The following RAB11FIP1 variants were observed in gnomAD, a reference collection of about 807,000 sequenced individuals.
RAB11FIP1 encodes the protein RAB11 family interacting protein 1.
Under a neutral mutation model 83.1 loss-of-function variants are expected in RAB11FIP1, and 49 were observed. The observed-to-expected ratio is 0.59, with a 90% CI of 0.47 to 0.75. The LOEUF (loss-of-function observed/expected upper bound fraction) is 0.75. RAB11FIP1 is among the 30% of genes least tolerant of loss of function. The pLI is 0.00. For synonymous variants in RAB11FIP1, 670 were observed against 656.0 expected (o/e 1.02, Z -0.33); for missense variants, 1,536 against 1,598.7 (o/e 0.96, Z 0.67).
At chr8:37,886,297 C>A (rs1806833464) in intron 1 of RAB11FIP1, among the ~76,000 whole-genome samples, 1 of 152,190 alleles carries the variant, frequency 6.6e-6, no homozygotes, top group African/African-American at 2.4e-5. Flanking sequence ...ACAGGTAAAA[C>A]TCTTGCTGAA....
Position 37,872,108 on chromosome 8 carries a change from G to T in RAB11FIP1, c.2694C>A (p.Pro898=). ...CTTTCGCTGAGCTTGCTTCACTCAT[G>T]GGGACTTCGGAGAAACTCTCCTCCT... ...PSQEESFSEV[P]MSEASSAKDT... is the part of the protein sequence containing the mutation. The change falls in exon 4 of 6, where the codon CCC becomes CCA. Residue 898 remains proline (P), a synonymous_variant. Coordinates refer to ENST00000330843, the MANE Select transcript of RAB11FIP1 (RefSeq NM_001002814.3). 1 of 1,614,016 alleles carries T rather than the reference G, an allele frequency of 6.2e-7. No homozygotes were observed. Among genetic ancestry groups the T allele is most frequent in the South Asian group, 1.1e-5 (1 of 91,078 alleles).
chr8:37,899,476 C>T lies in RAB11FIP1; in HGVS notation c.-35G>A. On this transcript the variant is annotated 5_prime_UTR_variant, in exon 1 of 6. Transcript: ENST00000330843. This position sits in a 1 kb window ranked among gnomAD's most constrained non-coding sequence, Gnocchi z 4.5. The stretch of plus-strand genomic sequence containing the variant: ...AACACTCCAGAAGCGAGGAGAAGAT[C>T]GCCGCGACTGGCGGCCTCCACGGCC... 2 of 1,485,654 alleles carry T rather than the reference C, an allele frequency of 1.3e-6. No homozygotes were observed. The highest frequency in any genetic ancestry group is 8.9e-7 in the Non-Finnish European group (1 of 1,121,438). The allele number at this position is 1,485,654 out of a possible 1,614,324, so 92.0% of individuals were successfully genotyped here.
intron 5 of RAB11FIP1, among the ~76,000 whole-genome samples, chr8:37,865,184 A>T (rs968146366): frequency 3.3e-5 from 5 of 152,180 alleles, no homozygotes; most frequent in African/African-American, 1.2e-4. Context: ...TTTATTTTTT[A>T]AAAGTCTCAA....
chr8:37,871,264 C>T lies in RAB11FIP1; in HGVS notation c.3524+14G>A, dbSNP rs1806450097. ...TTGCTCACATTTACATAGACAATCT[C>T]CCCCATCTCTCACCTGTGCTTGGCT... On this transcript the variant is annotated intron_variant, in intron 4 of 5. Coordinates refer to ENST00000330843, the MANE Select transcript of RAB11FIP1 (RefSeq NM_001002814.3). The T allele has an allele frequency of 1.3e-6, 2 of 1,588,146 alleles. No individual in the cohort carries two copies. Among genetic ancestry groups the T allele is most frequent in the Non-Finnish European group, 1.7e-6 (2 of 1,169,852 alleles).
At position 37,873,124 on chromosome 8, in the gene RAB11FIP1, A is replaced by G. The variant is rs1806518786; in HGVS notation, c.1678T>C (p.Ser560Pro). ...GGAAGAGGAGGAAGAGAGGAAGGGG[A>G]GTCAGTAGGGGAAGGAAGCCTGGCT... ...PTARLPSPTD[S>P]PSSLPPLPSS... The change falls in exon 4 of 6, where the codon TCC becomes CCC. Residue 560 changes from serine to proline, a missense_variant. Ser to Pro is a moderately conservative substitution (Grantham distance 74). Coordinates refer to ENST00000330843, the MANE Select transcript of RAB11FIP1 (RefSeq NM_001002814.3). 5.6e-6 allele frequency: 9 copies of G among 1,611,698 alleles called. No homozygotes were observed. Among genetic ancestry groups the G allele is most frequent in the Non-Finnish European group, 7.6e-6 (9 of 1,179,532 alleles).
At chr8:37,895,239 ATATATATATATATATATATATTTTTTTTT>A (rs1349731853) in intron 1 of RAB11FIP1, among the ~76,000 whole-genome samples, 1 of 7,352 alleles carries the variant, frequency 1.4e-4, no homozygotes, top group African/African-American at 4.7e-4. Context: ...ATATATATAT[ATATATATATATATATATATATTTTTTTTT>A]TTTTTTTTTT....
At chr8:37,886,728 GAC>G (rs1476043185) in intron 1 of RAB11FIP1, among the ~76,000 whole-genome samples, 1 of 152,172 alleles carries the variant, frequency 6.6e-6, no homozygotes, top group East Asian at 1.9e-4. Context: ...TGGGACAGAG[GAC>G]ACACTTAACC....
At chr8:37,869,247 T>G (rs1022167602) in intron 5 of RAB11FIP1, among the ~76,000 whole-genome samples, 1 of 146,914 alleles carries the variant, frequency 6.8e-6, no homozygotes, top group Non-Finnish European at 1.5e-5. Context: ...AAAAAAAAAA[T>G]TCCTGATTTT....
intron 4 of RAB11FIP1, chr8:37,870,770 G>A (rs921685636): frequency 9.1e-6 from 4 of 440,918 alleles, no homozygotes; most frequent in Non-Finnish European, 1.6e-5. Context: ...TATCTTCACG[G>A]GACCCTTGGT....
At chr8:37,863,292 C>G (rs1174185153) in intron 5 of RAB11FIP1, among the ~76,000 whole-genome samples, 179 bp from the exon 6 acceptor site, 1 of 151,712 alleles carries the variant, frequency 6.6e-6, no homozygotes, top group Non-Finnish European at 1.5e-5. Context: ...GTCACCCAGC[C>G]TGGAGTGCAG....
intron 1 of RAB11FIP1, among the ~76,000 whole-genome samples, chr8:37,882,280 A>C (rs1192306086): frequency 1.3e-5 from 2 of 152,198 alleles, no homozygotes; most frequent in Admixed American, 1.3e-4. Flanking sequence ...GCTGCGCTGC[A>C]TTCCCAGAAA....
intron 1 of RAB11FIP1, among the ~76,000 whole-genome samples, chr8:37,887,611 C>A (rs771173566): frequency 3.3e-5 from 5 of 151,496 alleles, no homozygotes; most frequent in Non-Finnish European, 7.4e-5. Flanking sequence ...TTCTTTAAGT[C>A]TTTTTCCCAT....
rs201814791 is a variant in RAB11FIP1, at chr8:37,862,870, G to A, written c.*25C>T. On this transcript the variant is annotated 3_prime_UTR_variant, in exon 6 of 6. Coordinates refer to ENST00000330843, the MANE Select transcript of RAB11FIP1 (RefSeq NM_001002814.3). Reference sequence around the variant, plus strand: ...CAGGTGAAAGTGAAGTCACAGAAACGTCTCGGTGTTTTTTTTCTGCTGATT... The same window carrying A: ...CAGGTGAAAGTGAAGTCACAGAAACATCTCGGTGTTTTTTTTCTGCTGATT... 126 of 1,583,688 alleles carry A rather than the reference G, an allele frequency of 8.0e-5. No homozygotes were observed. Among genetic ancestry groups the A allele is most frequent in the Middle Eastern group, 3.8e-4 (2 of 5,326 alleles).
At chr8:37,886,884 G>A (rs926917226) in intron 1 of RAB11FIP1, among the ~76,000 whole-genome samples, 25 of 152,172 alleles carry the variant, frequency 1.6e-4, no homozygotes, top group African/African-American at 6.0e-4. Context: ...TGGGTAAAAC[G>A]TCCAGTCTCT....
At chr8:37,879,151 T>C (rs943470417) in intron 1 of RAB11FIP1, among the ~76,000 whole-genome samples, 3 of 151,690 alleles carry the variant, frequency 2.0e-5, no homozygotes, top group African/African-American at 7.3e-5. Flanking sequence ...CTACTAAAAA[T>C]ACAAAAATTA....
Position 37,871,644 on chromosome 8 carries a change from T to C in RAB11FIP1, c.3158A>G (p.Lys1053Arg), listed in dbSNP as rs1426611298. 2 of 1,611,222 alleles carry C rather than the reference T, an allele frequency of 1.2e-6. No homozygotes were observed. The highest frequency in any genetic ancestry group is 1.3e-5 in the African/African-American group (1 of 74,860). The change falls in exon 4 of 6, where the codon AAA (lysine) becomes AGA (arginine). Residue 1053 changes from lysine to arginine, a missense_variant. Coordinates refer to ENST00000330843, the MANE Select transcript of RAB11FIP1 (RefSeq NM_001002814.3). ...SEQTTEFGIH[K>R]PHLGKSSSLD... ...GCTTGAGCTCTTGCCAAGATGTGGT[T>C]TGTGAATTCCGAACTCTGTGGTCTG...
chr8:37,864,120 C>T lies in RAB11FIP1; in HGVS notation c.3634-1007G>A, dbSNP rs529362993. 1.4e-4 allele frequency among the ~76,000 whole-genome samples: 21 copies of T among 152,350 alleles called. 1 individual carries two copies. The South Asian group carries it at 4.3e-3, about 32-fold the overall frequency. The stretch of plus-strand genomic sequence containing the variant: ...ATGCGGAGTCAGAGCCAGGTGCCAC[C>T]ATGCCCCGTCCTCACCCGTGGCCGT... On this transcript the variant is annotated intron_variant, in intron 5 of 5. Transcript: ENST00000330843.
At chr8:37,871,173 T>C in intron 4 of RAB11FIP1, 105 bp downstream of exon 4, 1 of 1,439,436 alleles carries the variant, frequency 6.9e-7, no homozygotes, top group Non-Finnish European at 9.2e-7. Flanking sequence ...ACAGGTGGGT[T>C]GTCACATCAG....
intron 5 of RAB11FIP1, among the ~76,000 whole-genome samples, chr8:37,868,638 T>A (rs750109327): frequency 6.6e-6 from 1 of 152,066 alleles, no homozygotes; most frequent in Non-Finnish European, 1.5e-5. Flanking sequence ...CCTCAGTAAA[T>A]CATTCTCTTC....
Sources: allele counts gnomAD v4.1 joint callset (sites outside exome capture counted in the v4.1 genomes callset), GRCh38; gene constraint gnomAD v4.1.1; non-coding constraint Gnocchi (gnomAD v3.1); transcripts MANE v1.5; gene names NCBI Gene and HGNC (gene_info 2026-07-23, HGNC 2026-07-21).